The following MBD6 variants were observed in gnomAD, a reference collection of about 807,000 sequenced individuals.
MBD6 encodes the protein methyl-CpG binding domain protein 6.
A neutral mutation model predicts 66.8 loss-of-function variants in MBD6; 22 were observed. That is an observed-to-expected ratio of 0.33 (90% CI 0.24 to 0.47). The LOEUF (loss-of-function observed/expected upper bound fraction) is 0.47, where lower values mean the gene tolerates loss of function less well. MBD6 is among the 20% of genes least tolerant of loss of function. MBD6 has a pLI of 1.00. For synonymous variants in MBD6, 540 were observed against 534.6 expected (o/e 1.01, Z -0.14); for missense variants, 1,322 against 1,286.9 (o/e 1.03, Z -0.42).
At chr12:57,524,606 A>G (rs1335414186) in intron 3 of MBD6, 114 bp from the exon 4 acceptor site, 6 of 1,147,178 alleles carry the variant, frequency 5.2e-6, no homozygotes, top group South Asian at 5.1e-5. Context: ...GTCTTCCCAC[A>G]TTCCTTATCC....
At position 57,525,766 on chromosome 12, in the gene MBD6, C is replaced by T. The variant is rs1000456414; in HGVS notation, c.798C>T (p.Ala266=). The T allele has an allele frequency of 1.2e-6, 2 of 1,613,738 alleles. No homozygotes were observed. The highest frequency in any genetic ancestry group is 2.2e-5 in the South Asian group (2 of 91,082). ...SDPPLFHCSD[A]LTPPPLPPSN... is the part of the protein sequence containing the mutation. Reference sequence around the variant, plus strand: ...CTCCTCTCTTCCACTGTAGTGATGCCTTAACACCCCCTCCCCTGCCCCCGA... The same window carrying T: ...CTCCTCTCTTCCACTGTAGTGATGCTTTAACACCCCCTCCCCTGCCCCCGA... The change falls in exon 6 of 13, where the codon GCC becomes GCT. Residue 266 remains alanine (A), a synonymous_variant. Transcript: ENST00000355673.
At chr12:57,530,318 C>T (rs979800871), downstream of MBD6, 1 of 186,780 alleles carries the variant, frequency 5.4e-6, no homozygotes. Flanking sequence ...ACACAGAGTA[C>T]AACAGCATTT....
rs1477191906 is a variant in MBD6 at position 57,527,649 on chromosome 12, C to T, written c.2225C>T (p.Ala742Val). The change falls in exon 8 of 13, where the codon GCC (alanine) becomes GTC (valine). Residue 742 changes from alanine to valine, a missense_variant. Coordinates refer to ENST00000355673, the MANE Select transcript of MBD6 (RefSeq NM_052897.4). ...PPQLLSPLLG[A>V]SLLGDLSSLT... ...CAACTCCTTAGCCCTCTGCTGGGTG[C>T]CAGCCTGCTGGGTGAGTCTGAGGGA... 6.3e-7 allele frequency: 1 copy of T among 1,598,676 alleles called. No individual in the cohort carries two copies. Among genetic ancestry groups the T allele is most frequent in the Non-Finnish European group, 8.5e-7 (1 of 1,172,950 alleles).
At chr12:57,524,252 G>A in intron 2 of MBD6, 28 bp from the exon 3 acceptor site, 1 of 1,370,834 alleles carries the variant, frequency 7.3e-7, no homozygotes, top group East Asian at 2.3e-5. Context: ...AATCCTCCTA[G>A]TGCCTACATG....
At position 57,523,660 on chromosome 12, in the gene MBD6, C is replaced by T. The variant is rs184942279; in HGVS notation, c.-88-369C>T. ...GTGGGGCAATCTGTACTTTTTATATCATCTTCCTGGGTAGAGAACAACAGG... is the reference window on the plus strand; with the variant it reads ...GTGGGGCAATCTGTACTTTTTATATTATCTTCCTGGGTAGAGAACAACAGG... On this transcript the variant is annotated intron_variant, in intron 1 of 12. Coordinates refer to ENST00000355673, the MANE Select transcript of MBD6 (RefSeq NM_052897.4). Among the ~76,000 whole-genome samples, 32 of 152,242 alleles carry T rather than the reference C, an allele frequency of 2.1e-4. No individual in the cohort carries two copies. In the East Asian group the frequency reaches 6.2e-3, roughly 29 times the overall value.
rs146043476 is a variant in MBD6, at chr12:57,525,789, C to G, written c.821C>G (p.Pro274Arg). 6 of 1,611,636 alleles carry G rather than the reference C, an allele frequency of 3.7e-6. No homozygotes were observed. In the African/African-American group the frequency reaches 8.0e-5, roughly 22 times the overall value. The change falls in exon 6 of 13, where the codon CCG becomes CGG. Residue 274 changes from proline (P) to arginine (R), a missense_variant. Transcript: ENST00000355673. Reference sequence around the variant, plus strand: ...GCCTTAACACCCCCTCCCCTGCCCCCGAGCAATAATCTCCCCGCCCACCCT... The same window carrying G: ...GCCTTAACACCCCCTCCCCTGCCCCGGAGCAATAATCTCCCCGCCCACCCT... ...SDALTPPPLPPSNNLPAHPGP... is the reference protein window; with the variant it reads ...SDALTPPPLPRSNNLPAHPGP...
chr12:57,525,801 T>G lies in MBD6; in HGVS notation c.833T>G (p.Leu278Arg). 1 of 1,185,780 alleles carries G rather than the reference T, an allele frequency of 8.4e-7. No homozygotes were observed. Among genetic ancestry groups the G allele is most frequent in the Non-Finnish European group, 1.1e-6 (1 of 874,948 alleles). 73.5% of individuals were successfully genotyped at this position (1,185,780 alleles called of 1,614,324 possible). ...CCTCCCCTGCCCCCGAGCAATAATC[T>G]CCCCGCCCACCCTGGTCCTGCCTCT... Reference protein sequence around the residue: ...TPPPLPPSNNLPAHPGPASQP... With the variant: ...TPPPLPPSNNRPAHPGPASQP... The change falls in exon 6 of 13, where the codon CTC becomes CGC. Residue 278 changes from leucine (L) to arginine (R), a missense_variant. Transcript: ENST00000355673.
chr12:57,524,916 C>T, intron 4 of MBD6, 37 bp from the exon 5 acceptor site: 2 of 1,603,920 alleles, frequency 1.2e-6, no homozygotes, highest in Non-Finnish European at 1.7e-6. Context: ...CAGGTTCCAG[C>T]CCCTCAGGGT....
chr12:57,526,711 C>G lies in MBD6; in HGVS notation c.1566C>G (p.Ser522Arg). The G allele has an allele frequency of 6.5e-7, 1 of 1,550,058 alleles. No individual in the cohort carries two copies. The highest frequency in any genetic ancestry group is 8.7e-7 in the Non-Finnish European group (1 of 1,146,846). Residue 522 changes from serine to arginine, a missense_variant, in exon 7 of 13, where the codon AGC becomes AGG. Coordinates refer to ENST00000355673, the MANE Select transcript of MBD6 (RefSeq NM_052897.4). The stretch of plus-strand genomic sequence containing the variant: ...GTGGAGAGGCTTTCCCTTTCCCCAG[C>G]CCTGAGCAGGGCCTGGCACTGAGTG... ...LAGGEAFPFPSPEQGLALSGA... is the reference protein window; with the variant it reads ...LAGGEAFPFPRPEQGLALSGA...
At position 57,528,423 on chromosome 12, in the gene MBD6, AC is replaced by A; in HGVS notation, c.2684del (p.Thr895AsnfsTer51). On this transcript the variant is annotated frameshift_variant, in exon 10 of 13. Transcript: ENST00000355673. LOFTEE classifies it high-confidence loss of function. ...TGGCCGACTGGCCCTCAAATGGGGG[AC>A]ACGTGGTGGCTTCAATGGACAAATG... Reference protein sequence around the residue: ...EPGRLALKWGTRGGFNGQMER... With the variant: ...EPGRLALKWGXRGGFNGQMER... The A allele has an allele frequency of 6.2e-7, 1 of 1,613,386 alleles. No homozygotes were observed. The highest frequency in any genetic ancestry group is 8.5e-7 in the Non-Finnish European group (1 of 1,179,962).
At chr12:57,527,356 C>T in intron 7 of MBD6, 129 bp downstream of exon 7, 1 of 1,166,594 alleles carries the variant, frequency 8.6e-7, no homozygotes, top group East Asian at 2.5e-5. Context: ...TAGTTCTTGG[C>T]TGGGGGTAGG....
Position 57,525,657 on chromosome 12 carries a change from G to T in MBD6, c.689G>T (p.Gly230Val), listed in dbSNP as rs779798570. ...CTCAATGCTCCCTCATACAACTGGG[G>T]AGCTGCCCTCAGATCCAGCCTGGTG... Reference protein sequence around the residue: ...ISLNAPSYNWGAALRSSLVPS... With the variant: ...ISLNAPSYNWVAALRSSLVPS... Residue 230 changes from glycine to valine, a missense_variant, in exon 6 of 13, where the codon GGA (glycine) becomes GTA (valine). By Grantham distance (109) the Gly-to-Val change is moderately radical. Transcript: ENST00000355673. The T allele has an allele frequency of 1.2e-6, 2 of 1,613,854 alleles. No homozygotes were observed. Among genetic ancestry groups the T allele is most frequent in the Admixed American group, 1.7e-5 (1 of 59,976 alleles).
Position 57,525,518 on chromosome 12 carries a change from C to G in MBD6, c.550C>G (p.Leu184Val), listed in dbSNP as rs746924078. 1.3e-6 allele frequency: 2 copies of G among 1,571,874 alleles called. No individual in the cohort carries two copies. The highest frequency in any genetic ancestry group is 2.7e-5 in the African/African-American group (2 of 73,342). ...TCCCACTCTAGCAGGCCCTGGGGGGCTTTTCCCCCCAAGGCTTGCTGACCC... is the reference window on the plus strand; with the variant it reads ...TCCCACTCTAGCAGGCCCTGGGGGGGTTTTCCCCCCAAGGCTTGCTGACCC... ...AFPTLAGPGGLFPPRLADPVP... is the reference protein window; with the variant it reads ...AFPTLAGPGGVFPPRLADPVP... Residue 184 changes from leucine to valine, a missense_variant, in exon 6 of 13, where the codon CTT becomes GTT. Transcript: ENST00000355673.
At chr12:57,529,102 G>T (rs1220313540) in intron 12 of MBD6, 58 bp from the exon 13 acceptor site, 1 of 1,613,330 alleles carries the variant, frequency 6.2e-7, no homozygotes, top group Non-Finnish European at 8.5e-7. Context: ...GGGGAGAAAA[G>T]AAGACTTCCT....
In MBD6 at chr12:57,528,426, C is replaced by A. The variant is rs200356881; in HGVS notation, c.2686C>A (p.Arg896Ser). ...CCGACTGGCCCTCAAATGGGGGACA[C>A]GTGGTGGCTTCAATGGACAAATGGA... is the stretch of plus-strand genomic sequence containing the variant. ...PGRLALKWGT[R>S]GGFNGQMERS... Residue 896 changes from arginine to serine, a missense_variant, in exon 10 of 13, where the codon CGT (arginine) becomes AGT (serine). Transcript: ENST00000355673. 6.2e-7 allele frequency: 1 copy of A among 1,613,360 alleles called. No individual in the cohort carries two copies. Among genetic ancestry groups the A allele is most frequent in the Non-Finnish European group, 8.5e-7 (1 of 1,179,990 alleles).
intron 1 of MBD6, among the ~76,000 whole-genome samples, chr12:57,523,621 T>C (rs1417926152): frequency 1.3e-5 from 2 of 152,126 alleles, no homozygotes; most frequent in African/African-American, 2.4e-5. Context: ...AGTTGGGCAA[T>C]TGCCTGGTGA....
At chr12:57,529,085 A>G in intron 12 of MBD6, 75 bp from the exon 13 acceptor site, 2 of 1,613,224 alleles carry the variant, frequency 1.2e-6, no homozygotes, top group Non-Finnish European at 1.7e-6. Flanking sequence ...GGAGGGTTAG[A>G]GGGAGTGGGG....
chr12:57,527,385 T>G, intron 7 of MBD6, 122 bp from the exon 8 acceptor site: 1 of 1,297,766 alleles, frequency 7.7e-7, no homozygotes, highest in Non-Finnish European at 1.1e-6. Context: ...AAGAATTGGG[T>G]CTGTATTTAA....
chr12:57,527,688 C>T (rs371297431), intron 8 of MBD6, 28 bp downstream of exon 8: 430 of 1,566,034 alleles, frequency 2.7e-4, no homozygotes, highest in Non-Finnish European at 3.6e-4. Flanking sequence ...TGAATTCACA[C>T]TCTTGGTGTG....
Sources: gnomAD v4.1 joint callset for allele counts (sites outside exome capture counted in the v4.1 genomes callset) on GRCh38, gnomAD v4.1.1 for gene constraint, MANE v1.5 for transcripts, NCBI Gene and HGNC (gene_info 2026-07-23, HGNC 2026-07-21) for gene names.